Variants in PCDH11Y observed in about 807,000 individuals in gnomAD.
PCDH11Y encodes the protein protocadherin 11 Y-linked.
For synonymous variants in PCDH11Y, 9 were observed against 83.6 expected (o/e 0.11, Z 4.87); for missense variants, 12 against 224.8 (o/e 0.05, Z 6.05).
intron 3 of PCDH11Y, among the ~76,000 whole-genome samples, chrY:5,550,107 GA>G (rs745563279): frequency 0.035 from 651 of 18,845 alleles, no homozygotes; most frequent in Middle Eastern, 0.13. Context: ...ATAAAAGGTT[GA>G]AAAAAAAAAA....
intron 2 of PCDH11Y, among the ~76,000 whole-genome samples, chrY:5,385,121 C>G (rs2053211468): frequency 9.7e-5 from 2 of 20,672 alleles, no homozygotes; most frequent in African/African-American, 4.2e-4. Flanking sequence ...GCTGGCTCTA[C>G]TGGCCAGCTT....
chrY:5,428,973 G>A, intron 2 of PCDH11Y, among the ~76,000 whole-genome samples: 1 of 33,083 alleles, frequency 3.0e-5, no homozygotes, highest in South Asian at 6.7e-4. Context: ...ACAGGATCAA[G>A]GTTAATAACA....
chrY:5,201,619 C>T, intron 2 of PCDH11Y, among the ~76,000 whole-genome samples: 1 of 32,979 alleles, frequency 3.0e-5, no homozygotes, highest in South Asian at 6.8e-4. Flanking sequence ...TAAGTAGACA[C>T]CATGTCTGCA....
intron 2 of PCDH11Y, among the ~76,000 whole-genome samples, chrY:5,412,380 G>C (rs2053248199): frequency 1.5e-4 from 5 of 33,455 alleles, no homozygotes; most frequent in Admixed American, 1.1e-3. Context: ...ACCTGCAACA[G>C]GGACAGTTTG....
intron 2 of PCDH11Y, among the ~76,000 whole-genome samples, chrY:5,371,883 C>G: frequency 3.1e-5 from 1 of 32,777 alleles, no homozygotes; most frequent in Admixed American, 2.8e-4. Flanking sequence ...GGGCAACAGA[C>G]TGAGACTCCA....
intron 3 of PCDH11Y, among the ~76,000 whole-genome samples, chrY:5,578,775 G>A (rs2053448449): frequency 3.0e-5 from 1 of 33,397 alleles, no homozygotes; most frequent in African/African-American, 1.2e-4. Flanking sequence ...TATGCATAGT[G>A]ATACTTACAT....
chrY:5,191,195 G>A, intron 2 of PCDH11Y, among the ~76,000 whole-genome samples: 4 of 31,664 alleles, frequency 1.3e-4, no homozygotes, highest in African/African-American at 1.2e-4. Context: ...TAGGAGAAAT[G>A]CCTAATGTCA....
intron 2 of PCDH11Y, among the ~76,000 whole-genome samples, chrY:5,348,900 C>T (rs2053154825): frequency 3.1e-5 from 1 of 32,217 alleles, no homozygotes; most frequent in Non-Finnish European, 7.5e-5. Flanking sequence ...CAGGCTGAGG[C>T]GGGCGGATCA....
chrY:5,472,008 A>G, intron 2 of PCDH11Y, among the ~76,000 whole-genome samples: 1 of 32,279 alleles, frequency 3.1e-5, no homozygotes, highest in Non-Finnish European at 7.7e-5. Context: ...TTTGATATGC[A>G]TAACTCAAAT....
intron 2 of PCDH11Y, among the ~76,000 whole-genome samples, chrY:5,426,387 A>G: frequency 3.0e-5 from 1 of 33,014 alleles, no homozygotes; most frequent in Admixed American, 2.8e-4. Context: ...CATTGGTGGT[A>G]ATGAAACTGT....
At chrY:5,196,535 G>A (rs2052918763) in intron 2 of PCDH11Y, among the ~76,000 whole-genome samples, 2 of 32,934 alleles carry the variant, frequency 6.1e-5, no homozygotes, top group Admixed American at 5.6e-4. Flanking sequence ...GTGCATCATG[G>A]TGAGTATAGT....
chrY:5,354,956 TA>T (rs2053163935), intron 2 of PCDH11Y, among the ~76,000 whole-genome samples: 1 of 32,465 alleles, frequency 3.1e-5, no homozygotes, highest in Non-Finnish European at 7.5e-5. Flanking sequence ...TTTACATCTT[TA>T]AAAAAAATTT....
intron 2 of PCDH11Y, among the ~76,000 whole-genome samples, chrY:5,388,726 T>C (rs1602917561): frequency 3.0e-5 from 1 of 33,601 alleles, no homozygotes; most frequent in Middle Eastern, 0.014. Context: ...AGGGACTGGT[T>C]TTCATATTTT....
At chrY:5,671,392 A>G in intron 4 of PCDH11Y, among the ~76,000 whole-genome samples, 1 of 33,426 alleles carries the variant, frequency 3.0e-5, no homozygotes, top group Admixed American at 2.7e-4. Flanking sequence ...TAATTTTACC[A>G]TTTCATGAAC....
chrY:5,346,990 C>G, intron 2 of PCDH11Y, among the ~76,000 whole-genome samples: 1 of 33,251 alleles, frequency 3.0e-5, no homozygotes, highest in Admixed American at 2.8e-4. Context: ...GTGTTTCTTT[C>G]TGTCATACTT....
At chrY:5,067,926 T>C in intron 1 of PCDH11Y, among the ~76,000 whole-genome samples, 3 of 23,917 alleles carry the variant, frequency 1.3e-4, no homozygotes, top group Non-Finnish European at 1.8e-4. Flanking sequence ...GACAGGAGAA[T>C]GGCGTGAACC....
chrY:5,025,784 C>T, intron 1 of PCDH11Y, among the ~76,000 whole-genome samples: 1 of 28,062 alleles, frequency 3.6e-5, no homozygotes, highest in African/African-American at 1.4e-4. Flanking sequence ...TTTTAATTAA[C>T]CGGAGAGGAA....
At chrY:5,643,856 C>T in intron 4 of PCDH11Y, among the ~76,000 whole-genome samples, 1 of 30,520 alleles carries the variant, frequency 3.3e-5, no homozygotes, top group South Asian at 7.6e-4. Context: ...TTTTCTAAGA[C>T]CAATTACTAA....
chrY:5,408,986 T>G (rs2053243773), intron 2 of PCDH11Y, among the ~76,000 whole-genome samples: 1 of 32,601 alleles, frequency 3.1e-5, no homozygotes, highest in Non-Finnish European at 7.5e-5. Context: ...TAAATTTTCA[T>G]AAATGATTGT....
Sources: allele counts gnomAD v4.1 joint callset (sites outside exome capture counted in the v4.1 genomes callset), GRCh38; gene constraint gnomAD v4.1.1; transcripts MANE v1.5; gene names NCBI Gene and HGNC (gene_info 2026-07-23, HGNC 2026-07-21).